The following CLVS1 variants were observed in gnomAD, a reference collection of about 807,000 sequenced individuals.
CLVS1 encodes clavesin 1.
CLVS1 carries 10 observed loss-of-function variants against 33.1 expected under a neutral mutation model. That is an observed-to-expected ratio of 0.30 (90% CI 0.19 to 0.51). The LOEUF is 0.51. CLVS1 is among the 20% of genes least tolerant of loss of function. The pLI is 0.97. For synonymous variants in CLVS1, 163 were observed against 166.1 expected (o/e 0.98, Z 0.14); for missense variants, 343 against 433.4 (o/e 0.79, Z 1.85).
chr8:61,074,489 G>A (rs1006369746), intron 1 of CLVS1, among the ~76,000 whole-genome samples: 7 of 146,492 alleles, frequency 4.8e-5, no homozygotes, highest in Non-Finnish European at 9.0e-5. Flanking sequence ...AAGTATATGT[G>A]TATATATATA....
At chr8:61,194,706 T>C (rs924044527) in intron 2 of CLVS1, among the ~76,000 whole-genome samples, 3 of 151,852 alleles carry the variant, frequency 2.0e-5, no homozygotes, top group African/African-American at 2.4e-5. Flanking sequence ...TATATGTATT[T>C]ATGTATATAA....
At chr8:61,010,190 A>T in the CLVS1 span, among the ~76,000 whole-genome samples, 3 of 151,936 alleles carry the variant, frequency 2.0e-5, 1 homozygote, top group Non-Finnish European at 1.5e-5. Context: ...ACTTCCTCTA[A>T]TTTTCTCCCT....
chr8:61,150,818 G>A (rs559412684), intron 2 of CLVS1, among the ~76,000 whole-genome samples: 2 of 152,166 alleles, frequency 1.3e-5, no homozygotes, highest in East Asian at 1.9e-4. Flanking sequence ...GACATTGCGA[G>A]TGATGAGTCC....
intron 2 of CLVS1, among the ~76,000 whole-genome samples, chr8:61,209,886 T>C (rs1339679303): frequency 6.6e-6 from 1 of 152,196 alleles, no homozygotes; most frequent in Non-Finnish European, 1.5e-5. Flanking sequence ...TTCTAACCGA[T>C]AGAGTATGGC....
At chr8:61,177,472 G>A (rs971852896) in intron 2 of CLVS1, among the ~76,000 whole-genome samples, 22 of 152,270 alleles carry the variant, frequency 1.4e-4, no homozygotes, top group African/African-American at 5.3e-4. Flanking sequence ...CCTCTCCACC[G>A]AGGGACAATC....
rs971298263 is a variant in CLVS1, at chr8:61,085,934, G to A, written c.-243+28704G>A. Among the ~76,000 whole-genome samples the A allele has an allele frequency of 4.0e-5, 6 of 151,438 alleles. No homozygotes were observed. The South Asian group carries it at 1.3e-3, about 32-fold the overall frequency. On this transcript the variant is annotated intron_variant, in intron 1 of 2. Transcript: ENST00000522621. ...GCCTGTAGTCCCAGCTGCTCGGGAG[G>A]CTGATGCAGCAGAATGGCGTGAACC...
chr8:61,050,209 A>G, the CLVS1 span, among the ~76,000 whole-genome samples: 2 of 152,032 alleles, frequency 1.3e-5, no homozygotes, highest in South Asian at 2.1e-4. Flanking sequence ...ACCTCCTTGT[A>G]TGTTTTTATA....
At chr8:61,339,001 TGA>T (rs1811913613) in intron 2 of CLVS1, among the ~76,000 whole-genome samples, 1 of 126,488 alleles carries the variant, frequency 7.9e-6, no homozygotes, top group South Asian at 2.9e-4. Flanking sequence ...TGTATGCATG[TGA>T]GTGTGTGCCT....
chr8:61,241,575 T>C (rs1028487327), intron 2 of CLVS1, among the ~76,000 whole-genome samples: 3 of 152,198 alleles, frequency 2.0e-5, no homozygotes, highest in Non-Finnish European at 4.4e-5. Context: ...AAGATAAAAG[T>C]AGGCTTACAG....
chr8:61,211,239 A>G (rs1189324447), intron 2 of CLVS1, among the ~76,000 whole-genome samples: 3 of 152,096 alleles, frequency 2.0e-5, no homozygotes, highest in African/African-American at 7.2e-5. Context: ...ACACTAAGTG[A>G]AAAAATAGAT....
chr8:61,283,882 C>A (rs1401883055), upstream of CLVS1, among the ~76,000 whole-genome samples: 1 of 152,164 alleles, frequency 6.6e-6, no homozygotes, highest in African/African-American at 2.4e-5. Flanking sequence ...TGGGAAACAG[C>A]AATTTGTGTT....
rs571255640 is a variant in CLVS1, at chr8:61,271,805, A to C, written c.-151-27872A>C. Among the ~76,000 whole-genome samples, 515 of 149,356 alleles carry C rather than the reference A, an allele frequency of 3.4e-3. 2 individuals carry two copies. The highest frequency in any genetic ancestry group is 4.2e-3 in the Non-Finnish European group (286 of 67,484). On this transcript the variant is annotated intron_variant, in intron 2 of 2. Transcript: ENST00000522621. ...TGTCTCTTTTAATCTTTGTTGGTTT[A>C]AAGTCTGTTTTATCAGAGACTAGGA...
chr8:61,344,719 A>G (rs576020717), intron 2 of CLVS1, among the ~76,000 whole-genome samples: 1 of 152,332 alleles, frequency 6.6e-6, no homozygotes, highest in African/African-American at 2.4e-5. Flanking sequence ...TGAATATCCA[A>G]CTAGGAACTG....
chr8:61,449,927 T>C (rs1274753623), intron 3 of CLVS1, among the ~76,000 whole-genome samples: 1 of 152,228 alleles, frequency 6.6e-6, no homozygotes, highest in Non-Finnish European at 1.5e-5. Flanking sequence ...TACTTCATCT[T>C]TGCACAAGGA....
chr8:61,459,762 G>A (rs551478814), intron 5 of CLVS1, among the ~76,000 whole-genome samples: 3 of 152,152 alleles, frequency 2.0e-5, no homozygotes, highest in Non-Finnish European at 4.4e-5. Flanking sequence ...ATCTAATATT[G>A]TATAATTTCT....
At chr8:61,244,910 A>G (rs999561644) in intron 2 of CLVS1, among the ~76,000 whole-genome samples, 1 of 152,160 alleles carries the variant, frequency 6.6e-6, no homozygotes, top group African/African-American at 2.4e-5. Flanking sequence ...AAAAGTTTCC[A>G]TATGATTGTG....
intron 2 of CLVS1, among the ~76,000 whole-genome samples, chr8:61,323,510 C>A (rs772433709): frequency 6.6e-6 from 1 of 152,176 alleles, no homozygotes; most frequent in African/African-American, 2.4e-5. Flanking sequence ...ATAATTCACA[C>A]TTCTCTCATA....
chr8:61,458,564 C>T, intron 5 of CLVS1, 22 bp downstream of exon 5: 1 of 894,312 alleles, frequency 1.1e-6, no homozygotes, highest in South Asian at 2.8e-5. Context: ...GTTATCAGAG[C>T]CCCCCCCCCA....
the CLVS1 span, among the ~76,000 whole-genome samples, chr8:61,034,111 C>A: frequency 6.6e-6 from 1 of 152,206 alleles, no homozygotes; most frequent in Non-Finnish European, 1.5e-5. Flanking sequence ...GGGCCCGCAG[C>A]TCCAGGCCTC....
Sources: gnomAD v4.1 joint callset for allele counts (sites outside exome capture counted in the v4.1 genomes callset) on GRCh38, gnomAD v4.1.1 for gene constraint, MANE v1.5 for transcripts, NCBI Gene and HGNC (gene_info 2026-07-23, HGNC 2026-07-21) for gene names.